The following PHF2 variants were observed in gnomAD, a reference collection of about 807,000 sequenced individuals.
PHF2 encodes the protein lysine-specific demethylase PHF2.
In PHF2, 27 loss-of-function variants were observed where a neutral mutation model predicts 120.5. The ratio of observed to expected loss-of-function variants is 0.22; its 90% CI spans 0.17 to 0.31. The LOEUF (loss-of-function observed/expected upper bound fraction) is 0.31, where lower values mean the gene tolerates loss of function less well. PHF2 is among the 10% of genes least tolerant of loss of function. PHF2 has a pLI of 1.00. For synonymous variants in PHF2, 568 were observed against 592.5 expected (o/e 0.96, Z 0.60); for missense variants, 1,024 against 1,434.8 (o/e 0.71, Z 4.63).
intron 1 of PHF2, among the ~76,000 whole-genome samples, chr9:93,597,341 A>G (rs1457647310): frequency 3.3e-5 from 5 of 151,998 alleles, no homozygotes; most frequent in Middle Eastern, 3.4e-3. Flanking sequence ...TGCTCCTGGG[A>G]CTCCACACCC....
intron 5 of PHF2, 31 bp downstream of exon 5, chr9:93,649,243 C>T: frequency 5.6e-6 from 4 of 720,426 alleles, no homozygotes; most frequent in Non-Finnish European, 8.8e-6. Context: ...GGTGTGGGGG[C>T]TGGGGTTGGG....
At chr9:93,655,398 T>C (rs909439478) in intron 7 of PHF2, among the ~76,000 whole-genome samples, 2 of 152,048 alleles carry the variant, frequency 1.3e-5, no homozygotes, top group African/African-American at 4.8e-5. Context: ...TTCCTCATAG[T>C]CGCAGCTATT....
chr9:93,655,869 A>C, intron 7 of PHF2, 65 bp from the exon 8 acceptor site: 1 of 1,220,300 alleles, frequency 8.2e-7, no homozygotes, highest in East Asian at 2.5e-5. Flanking sequence ...TCCCTGATCT[A>C]GAGCCATGAG....
intron 1 of PHF2, among the ~76,000 whole-genome samples, chr9:93,589,769 T>C (rs943149381): frequency 2.6e-5 from 4 of 152,232 alleles, no homozygotes; most frequent in African/African-American, 9.6e-5. Flanking sequence ...GCCTCTCCCC[T>C]GTCTCCCCGT....
Position 93,646,456 on chromosome 9 carries a change from C to T in PHF2, c.460+667C>T, listed in dbSNP as rs962927790. On this transcript the variant is annotated intron_variant, in intron 4 of 21. Coordinates refer to ENST00000359246, the MANE Select transcript of PHF2 (RefSeq NM_005392.4). ...CATGGTTGCAGGGCTTCAAGGTGCT[C>T]ATGGGGGATGCCTGGGTGGCTGGCA... Among the ~76,000 whole-genome samples, 14 of 152,322 alleles carry T rather than the reference C, an allele frequency of 9.2e-5. No homozygotes were observed. The East Asian group carries it at 1.4e-3, about 15-fold the overall frequency.
chr9:93,654,194 G>T (rs1245922877), intron 6 of PHF2, among the ~76,000 whole-genome samples: 1 of 152,216 alleles, frequency 6.6e-6, no homozygotes, highest in Non-Finnish European at 1.5e-5. Flanking sequence ...ACAATGTAAT[G>T]TGGGATTATG....
intron 1 of PHF2, among the ~76,000 whole-genome samples, chr9:93,578,261 T>C (rs1369998665): frequency 6.6e-6 from 1 of 152,138 alleles, no homozygotes; most frequent in Non-Finnish European, 1.5e-5. Flanking sequence ...AAATCTGGGC[T>C]GCCTTCCTGG....
rs188035689 is a variant in PHF2 at position 93,646,721 on chromosome 9, C to A, written c.460+932C>A. Among the ~76,000 whole-genome samples, 565 of 152,256 alleles carry A rather than the reference C, an allele frequency of 3.7e-3. 1 individual carries two copies. The highest frequency in any genetic ancestry group is 0.013 in the African/African-American group (543 of 41,548). ...CATCAAGTTCAATTTCAGCAGGGGG[C>A]TGGGGCCACAGCTTTTCTCGGGAGC... On this transcript the variant is annotated intron_variant, in intron 4 of 21. Transcript: ENST00000359246.
At chr9:93,591,536 TAG>T (rs926712713) in intron 1 of PHF2, among the ~76,000 whole-genome samples, 3 of 152,202 alleles carry the variant, frequency 2.0e-5, no homozygotes, top group African/African-American at 7.2e-5. Flanking sequence ...CACAGTGAGT[TAG>T]GGGCAGGGTG....
Position 93,656,490 on chromosome 9 carries a change from G to T in PHF2, c.1042G>T (p.Ala348Ser), listed in dbSNP as rs1406505768. The T allele has an allele frequency of 6.2e-7, 1 of 1,610,600 alleles. No homozygotes were observed. Reference sequence around the variant, plus strand: ...GAACTGCTCTTTGGTGGCTTCTAGAGCATATGAAGTGGAAAGGAGGTTGAA... The same window carrying T: ...GAACTGCTCTTTGGTGGCTTCTAGATCATATGAAGTGGAAAGGAGGTTGAA... ...HSLSVEMQMR[A>S]YEVERRLKLG... Residue 348 changes from alanine (A) to serine (S), a missense_variant and splice_region_variant, in exon 9 of 22, where the codon GCA becomes TCA. Ala to Ser is a moderately conservative substitution (Grantham distance 99, BLOSUM62 1). Coordinates refer to ENST00000359246, the MANE Select transcript of PHF2 (RefSeq NM_005392.4). The surrounding 1 kb of genome is among the most constrained non-coding windows in gnomAD (Gnocchi z 4.1).
intron 17 of PHF2, among the ~76,000 whole-genome samples, chr9:93,672,906 A>T (rs1257440913): frequency 2.7e-5 from 4 of 148,650 alleles, no homozygotes; most frequent in Non-Finnish European, 4.5e-5. Context: ...ACAGGTGTAG[A>T]TGCAGGTGCA....
intron 1 of PHF2, among the ~76,000 whole-genome samples, chr9:93,577,782 G>A (rs79332603): frequency 0.012 from 1,867 of 152,300 alleles, 56 homozygotes; most frequent in East Asian, 0.065. Flanking sequence ...CCATGACCTG[G>A]CCCCATGCCT....
intron 1 of PHF2, among the ~76,000 whole-genome samples, chr9:93,593,894 C>A (rs1041209777): frequency 6.6e-6 from 1 of 152,222 alleles, no homozygotes; most frequent in Admixed American, 6.5e-5. Context: ...TTTTTCCTAC[C>A]ACTTTTGTAC....
intron 3 of PHF2, among the ~76,000 whole-genome samples, chr9:93,639,990 A>G (rs1181756550): frequency 1.3e-5 from 2 of 152,124 alleles, no homozygotes; most frequent in Non-Finnish European, 2.9e-5. Context: ...ATGTTTCTTC[A>G]TTTGCTGTTT....
rs1826961345 is a variant in PHF2 at position 93,678,427 on chromosome 9, A to T, written c.*751A>T. The T allele has an allele frequency of 6.6e-6, 1 of 152,534 alleles. No individual in the cohort carries two copies. The highest frequency in any genetic ancestry group is 1.5e-5 in the Non-Finnish European group (1 of 68,066). 9.4% of individuals were successfully genotyped at this position (152,534 alleles called of 1,614,324 possible). Reference sequence around the variant, plus strand: ...GCCCAGGCTAAGCCATGTGGCAGGGACCGTCTTGCCCTGCTGGCCACACTC... The same window carrying T: ...GCCCAGGCTAAGCCATGTGGCAGGGTCCGTCTTGCCCTGCTGGCCACACTC... On this transcript the variant is annotated 3_prime_UTR_variant, in exon 22 of 22. Coordinates refer to ENST00000359246, the MANE Select transcript of PHF2 (RefSeq NM_005392.4).
At chr9:93,622,470 G>A (rs768500836) in intron 1 of PHF2, among the ~76,000 whole-genome samples, 2 of 152,234 alleles carry the variant, frequency 1.3e-5, no homozygotes, top group South Asian at 2.1e-4. Flanking sequence ...AGCAGCTGCA[G>A]CGTCATCACA....
intron 1 of PHF2, among the ~76,000 whole-genome samples, chr9:93,594,382 C>T (rs116841729): frequency 0.064 from 9,756 of 152,258 alleles, 392 homozygotes; most frequent in Admixed American, 0.1. Flanking sequence ...CAGGTCGGGG[C>T]GGCTCCTGTT....
At chr9:93,606,669 A>G (rs912744062) in intron 1 of PHF2, among the ~76,000 whole-genome samples, 1 of 152,164 alleles carries the variant, frequency 6.6e-6, no homozygotes, top group Non-Finnish European at 1.5e-5. Context: ...CTTTCTTAAC[A>G]GTGTCTTTTG....
chr9:93,665,605 A>G lies in PHF2; in HGVS notation c.1938-81A>G, dbSNP rs117818137. ...GAGGCCATCCTGCCGCGGCCCTGGC[A>G]GAGGACCCCTCGGGAGGTCCTACCT... is the stretch of plus-strand genomic sequence containing the variant. On this transcript the variant is annotated intron_variant, in intron 14 of 21. Transcript: ENST00000359246. The G allele has an allele frequency of 4.8e-3, 7,106 of 1,471,818 alleles. 34 individuals carry two copies. Among genetic ancestry groups the G allele is most frequent in the Middle Eastern group, 0.011 (47 of 4,214 alleles). The allele number at this position is 1,471,818 out of a possible 1,614,324, so 91.2% of individuals were successfully genotyped here.
Sources: gnomAD v4.1 joint callset for allele counts (sites outside exome capture counted in the v4.1 genomes callset) on GRCh38, gnomAD v4.1.1 for gene constraint, Gnocchi (gnomAD v3.1) non-coding constraint, MANE v1.5 for transcripts, NCBI Gene and HGNC (gene_info 2026-07-23, HGNC 2026-07-21) for gene names.